Variants in TMEM53 observed in about 807,000 individuals in gnomAD.
TMEM53 encodes novel DUF829 domain-containing protein.
TMEM53 carries 14 observed loss-of-function variants against 21.4 expected under a neutral mutation model. The ratio of observed to expected loss-of-function variants is 0.65; its 90% CI spans 0.43 to 1.02. TMEM53 has a LOEUF of 1.02. TMEM53 is among the 50% of genes least tolerant of loss of function. The pLI, the probability that TMEM53 is intolerant of heterozygous loss-of-function variation, is 0.00. For synonymous variants in TMEM53, 148 were observed against 157.4 expected, an observed-to-expected ratio of 0.94 and a Z score of 0.45; for missense variants, 323 against 383.6, an observed-to-expected ratio of 0.84 and a Z score of 1.32.
chr1:44,660,982 A>C (rs536432818), intron 1 of TMEM53, among the ~76,000 whole-genome samples: 1 of 152,176 alleles, frequency 6.6e-6, no homozygotes, highest in East Asian at 1.9e-4. Context: ...CAAAAAAAAA[A>C]AAAAAATCAA....
At position 44,666,709 on chromosome 1, in the gene TMEM53, G is replaced by C. The variant is rs191304089; in HGVS notation, c.62-6414C>G. Among the ~76,000 whole-genome samples, 14 of 152,234 alleles carry C rather than the reference G, an allele frequency of 9.2e-5. No individual in the cohort carries two copies. The East Asian group carries it at 1.3e-3, about 15-fold the overall frequency. ...AAAGATTAGTGGTTGCCAAGGGCTG[G>C]GGGGAGGAGGGAATGGAGAGTGACT... On this transcript the variant is annotated intron_variant, in intron 1 of 2. Transcript: ENST00000372237.
chr1:44,674,275 AC>A (rs1352575795), intron 1 of TMEM53, 55 bp downstream of exon 1: 1 of 1,559,684 alleles, frequency 6.4e-7, no homozygotes, highest in East Asian at 2.3e-5. Context: ...TGCGCTCGCA[AC>A]CCACAGGTTC....
intron 1 of TMEM53, among the ~76,000 whole-genome samples, chr1:44,665,841 A>G (rs1184023478): frequency 6.6e-6 from 1 of 152,212 alleles, no homozygotes; most frequent in East Asian, 1.9e-4. Context: ...CACCAAAAGT[A>G]CAAGGAACAA....
At chr1:44,656,875 A>G (rs1644854691) in intron 2 of TMEM53, among the ~76,000 whole-genome samples, 1 of 152,124 alleles carries the variant, frequency 6.6e-6, no homozygotes. Context: ...AGCCAGGCGT[A>G]GTGGCACATG....
chr1:44,663,861 A>G (rs1461770442), intron 1 of TMEM53, among the ~76,000 whole-genome samples: 1 of 152,222 alleles, frequency 6.6e-6, no homozygotes, highest in Non-Finnish European at 1.5e-5. Context: ...CACTATTGTA[A>G]GCATTTTACA....
chr1:44,663,681 G>T (rs1028770720), intron 1 of TMEM53, among the ~76,000 whole-genome samples: 1 of 152,124 alleles, frequency 6.6e-6, no homozygotes, highest in Admixed American at 6.5e-5. Flanking sequence ...GACATCTGCA[G>T]GCCTCTGGCA....
intron 2 of TMEM53, among the ~76,000 whole-genome samples, chr1:44,658,741 G>A (rs147894859): frequency 0.016 from 2,418 of 152,162 alleles, 81 homozygotes; most frequent in Admixed American, 0.066. Context: ...TAGTAGAGAT[G>A]GGGTTTCACC....
Position 44,655,070 on chromosome 1 carries a change from A to G in TMEM53, c.323T>C (p.Leu108Pro). The change falls in exon 3 of 3, where the codon CTC (leucine) becomes CCC (proline). Residue 108 changes from leucine (L) to proline (P), a missense_variant. Around this residue, in one of 3 missense-constraint regions of TMEM53, gnomAD observed 269 missense variants for 334.5 expected, o/e 0.80. Coordinates refer to ENST00000372237, the MANE Select transcript of TMEM53 (RefSeq NM_024587.4). The surrounding 1 kb of genome is among the most constrained non-coding windows in gnomAD (Gnocchi z 4.4). ...FDYEIEKEPL[L>P]FHVFSNGGVM... ...GCCACCGTTGCTGAAGACATGGAAG[A>G]GCAGGGGCTCCTTCTCAATCTCATA... is the stretch of plus-strand genomic sequence containing the variant. 6.2e-7 allele frequency: 1 copy of G among 1,614,232 alleles called. No homozygotes were observed. The highest frequency in any genetic ancestry group is 8.5e-7 in the Non-Finnish European group (1 of 1,180,036).
At position 44,665,503 on chromosome 1, in the gene TMEM53, G is replaced by A. The variant is rs1365286874; in HGVS notation, c.62-5208C>T. Among the ~76,000 whole-genome samples, 5 of 152,076 alleles carry A rather than the reference G, an allele frequency of 3.3e-5. 1 individual carries two copies. In the South Asian group the frequency reaches 8.3e-4, roughly 25 times the overall value. On this transcript the variant is annotated intron_variant, in intron 1 of 2. Transcript: ENST00000372237. Reference sequence around the variant, plus strand: ...TACAAAAAATTAGCTGGGCACGGTGGTGGGGGCCTGTAATCCCAGCTACTT... The same window carrying A: ...TACAAAAAATTAGCTGGGCACGGTGATGGGGGCCTGTAATCCCAGCTACTT...
At chr1:44,657,883 CTT>C (rs1017270960) in intron 2 of TMEM53, among the ~76,000 whole-genome samples, 1 of 136,720 alleles carries the variant, frequency 7.3e-6, no homozygotes, top group Non-Finnish European at 1.7e-5. Flanking sequence ...TTGGGTTGGA[CTT>C]TTTTTTTTTC....
At chr1:44,670,612 G>A (rs1454115672) in intron 1 of TMEM53, among the ~76,000 whole-genome samples, 2 of 152,070 alleles carry the variant, frequency 1.3e-5, no homozygotes, top group African/African-American at 4.8e-5. Context: ...CTGTCTCCTG[G>A]GTGTCCGAGA....
Position 44,665,236 on chromosome 1 carries a change from T to C in TMEM53, c.62-4941A>G, listed in dbSNP as rs74359000. On this transcript the variant is annotated intron_variant, in intron 1 of 2. Coordinates refer to ENST00000372237, the MANE Select transcript of TMEM53 (RefSeq NM_024587.4). ...CTACTGTAAAATTCAAGGCAAGAGA[T>C]GGTGAAGGCCTGAACCAGAGCAGTG... Among the ~76,000 whole-genome samples, 70 of 152,164 alleles carry C rather than the reference T, an allele frequency of 4.6e-4. 1 individual carries two copies. The highest frequency in any genetic ancestry group is 1.5e-3 in the African/African-American group (64 of 41,506).
chr1:44,668,428 TAAAATAAAATA>T (rs1644968300), intron 1 of TMEM53, among the ~76,000 whole-genome samples: 1 of 151,902 alleles, frequency 6.6e-6, no homozygotes, highest in Non-Finnish European at 1.5e-5. Context: ...GTCTTAAAAA[TAAAATAAAATA>T]AAAATAAAAA....
chr1:44,671,824 G>A (rs1017193766), intron 1 of TMEM53, among the ~76,000 whole-genome samples: 5 of 152,218 alleles, frequency 3.3e-5, no homozygotes, highest in Non-Finnish European at 7.3e-5. Flanking sequence ...AGCTACTTGG[G>A]AGGCTGAAAC....
Position 44,668,473 on chromosome 1 carries a change from AAG to A in TMEM53, c.61+5856_61+5857del, listed in dbSNP as rs750717534. On this transcript the variant is annotated intron_variant, in intron 1 of 2. Coordinates refer to ENST00000372237, the MANE Select transcript of TMEM53 (RefSeq NM_024587.4). ...AATAAAATAACATGCAAAAAATTGA[AAG>A]AGTCTTAATTTTCTCTACTCCCCAG... 1.2e-4 allele frequency among the ~76,000 whole-genome samples: 19 copies of A among 152,256 alleles called. No individual in the cohort carries two copies. The East Asian group carries it at 2.1e-3, about 17-fold the overall frequency.
intron 1 of TMEM53, chr1:44,674,066 C>G (rs1459270912): frequency 2.0e-6 from 2 of 985,462 alleles, no homozygotes; most frequent in Non-Finnish European, 1.2e-6. Context: ...CCTGAGCACC[C>G]CGGACAGGAA....
At chr1:44,657,036 A>C (rs937365908) in intron 2 of TMEM53, among the ~76,000 whole-genome samples, 1 of 151,606 alleles carries the variant, frequency 6.6e-6, no homozygotes, top group South Asian at 2.1e-4. Flanking sequence ...AACAACAACA[A>C]AAAAAATACT....
At chr1:44,672,468 C>T (rs143626716) in intron 1 of TMEM53, among the ~76,000 whole-genome samples, 79 of 152,320 alleles carry the variant, frequency 5.2e-4, no homozygotes, top group Non-Finnish European at 7.8e-4. Flanking sequence ...ATCCCACAGC[C>T]AGGACACAGC....
intron 1 of TMEM53, 155 bp downstream of exon 1, chr1:44,674,176 T>C (rs1645054924): frequency 2.0e-6 from 2 of 985,074 alleles, no homozygotes; most frequent in Non-Finnish European, 2.4e-6. Flanking sequence ...GGCGGGGCTC[T>C]CTGAGCCTCT....
Sources: gnomAD v4.1 joint callset for allele counts (sites outside exome capture counted in the v4.1 genomes callset) on GRCh38, gnomAD v4.1.1 for gene constraint, gnomAD v4.1.1 regional missense constraint, Gnocchi (gnomAD v3.1) non-coding constraint, MANE v1.5 for transcripts, NCBI Gene and HGNC (gene_info 2026-07-23, HGNC 2026-07-21) for gene names.